The following MACF1 variants were observed in gnomAD, a reference collection of about 807,000 sequenced individuals.
The protein encoded by MACF1 is microtubule-actin cross-linking factor 1.
A neutral mutation model predicts 854.8 loss-of-function variants in MACF1; 193 were observed. The ratio of observed to expected loss-of-function variants is 0.23; its 90% CI spans 0.20 to 0.25. The LOEUF (loss-of-function observed/expected upper bound fraction) is 0.25, where lower values mean the gene tolerates loss of function less well. Among genes scored for constraint, MACF1 ranks in the 10% least tolerant of loss-of-function variants. The pLI, the probability that MACF1 is intolerant of heterozygous loss-of-function variation, is 1.00. For synonymous variants in MACF1, 3,185 were observed against 3,226.7 expected, an observed-to-expected ratio of 0.99 and a Z score of 0.44; for missense variants, 7,722 against 8,929.1, an observed-to-expected ratio of 0.86 and a Z score of 5.45.
intron 2 of MACF1, among the ~76,000 whole-genome samples, chr1:39,098,995 C>A (rs1642001703): frequency 6.6e-6 from 1 of 152,192 alleles, no homozygotes; most frequent in South Asian, 2.1e-4. Context: ...AGGTAATTTT[C>A]TTCCAAGAGC....
chr1:39,434,354 TTTC>T, intron 68 of MACF1, 57 bp from the exon 69 acceptor site: 7 of 987,524 alleles, frequency 7.1e-6, no homozygotes, highest in Non-Finnish European at 1.1e-5. Flanking sequence ...ACCTACTTTT[TTTC>T]TTAAGAGTTT....
chr1:39,452,627 G>T (rs1208841630), intron 86 of MACF1, 57 bp from the exon 87 acceptor site: 1 of 1,605,508 alleles, frequency 6.2e-7, no homozygotes, highest in Non-Finnish European at 8.5e-7. Flanking sequence ...GCATGTCCCA[G>T]TATCTAGGTC....
chr1:39,468,796 T>C (rs1235484848), intron 96 of MACF1, 64 bp downstream of exon 96: 24 of 1,406,886 alleles, frequency 1.7e-5, no homozygotes, highest in Non-Finnish European at 2.4e-5. Flanking sequence ...TCTTTTATGC[T>C]TACAGGAAGC....
chr1:39,316,654 A>G (rs1646416419), intron 28 of MACF1, 125 bp downstream of exon 28: 5 of 863,256 alleles, frequency 5.8e-6, no homozygotes, highest in Non-Finnish European at 8.6e-6. Context: ...GCAGAATGTC[A>G]TTAAATATAT....
chr1:39,231,051 G>C, intron 1 of MACF1, 131 bp from the exon 2 acceptor site: 1 of 730,684 alleles, frequency 1.4e-6, no homozygotes, highest in Admixed American at 2.0e-5. Flanking sequence ...ACCTTCCTAA[G>C]AAGAAGTCAC....
intron 2 of MACF1, among the ~76,000 whole-genome samples, chr1:39,150,891 C>A (rs1178559547): frequency 6.6e-6 from 1 of 152,126 alleles, no homozygotes; most frequent in Non-Finnish European, 1.5e-5. Flanking sequence ...AAGATACTTT[C>A]TAGGATTTTG....
intron 4 of MACF1, chr1:39,254,090 G>GC (rs1645072055): frequency 1.8e-6 from 1 of 553,942 alleles, no homozygotes; most frequent in Admixed American, 3.1e-5. Flanking sequence ...ATGCGTAGTG[G>GC]TACACAAGAC....
chr1:39,448,879 C>A, intron 84 of MACF1, 116 bp downstream of exon 84: 1 of 663,790 alleles, frequency 1.5e-6, no homozygotes, highest in African/African-American at 1.8e-5. Flanking sequence ...TTTGTACCAT[C>A]TTAACACCAC....
At chr1:39,093,545 G>T (rs1467052064) in intron 2 of MACF1, among the ~76,000 whole-genome samples, 1 of 147,972 alleles carries the variant, frequency 6.8e-6, no homozygotes, top group African/African-American at 2.5e-5. Flanking sequence ...GAGTGCAGTG[G>T]TGCGATCTCG....
At chr1:39,433,705 G>A (rs748104046) in intron 68 of MACF1, among the ~76,000 whole-genome samples, 17 of 151,916 alleles carry the variant, frequency 1.1e-4, no homozygotes, top group Non-Finnish European at 2.4e-4. Context: ...TTTTTAATCA[G>A]AAGAAAAATG....
chr1:39,277,072 AT>A (rs1015291008), intron 6 of MACF1, among the ~76,000 whole-genome samples: 5 of 151,598 alleles, frequency 3.3e-5, no homozygotes, highest in Admixed American at 2.0e-4. Flanking sequence ...TAACATTAAA[AT>A]TTTTTTTTGA....
At chr1:39,456,932 C>T (rs1452894961) in intron 89 of MACF1, 1 of 152,216 alleles carries the variant, frequency 6.6e-6, no homozygotes, top group African/African-American at 2.4e-5. Flanking sequence ...TCCCTTTTGA[C>T]TTCTGTGTCC....
Position 39,284,161 on chromosome 1 carries a change from T to G in MACF1, c.1011T>G (p.Phe337Leu). 1 of 1,613,694 alleles carries G rather than the reference T, an allele frequency of 6.2e-7. No homozygotes were observed. The highest frequency in any genetic ancestry group is 1.1e-5 in the South Asian group (1 of 90,908). The stretch of plus-strand genomic sequence containing the variant: ...CAATACTGATGTCAGATAAAACTTT[T>G]CCCCAAAACCCTGTTGAACTAAAGG... ...QHTILMSDKT[F>L]PQNPVELKAL... The change falls in exon 10 of 101, where the codon TTT (phenylalanine) becomes TTG (leucine). Residue 337 changes from phenylalanine (F) to leucine (L), a missense_variant. Around this residue, in one of 15 missense-constraint regions of MACF1, gnomAD observed 97 missense variants for 130.4 expected, o/e 0.74. Transcript: ENST00000564288.
chr1:39,166,306 GATCTGCCCACCTTGGC>G (rs1643881441), intron 2 of MACF1, among the ~76,000 whole-genome samples: 1 of 152,098 alleles, frequency 6.6e-6, no homozygotes, highest in Non-Finnish European at 1.5e-5. Context: ...GACCTCAGGT[GATCTGCCCACCTTGGC>G]ATCCCAAAGT....
rs1645669391 is a variant in MACF1, at chr1:39,287,590, G to GGA, written c.1785+28_1785+29insGA. ...GGGTGCATATCCAAAAGCTTATGCAGTACACTGATGTTTACTGGATCTGGA... is the reference window on the plus strand; with the variant it reads ...GGGTGCATATCCAAAAGCTTATGCAGGATACACTGATGTTTACTGGATCTGGA... On this transcript the variant is annotated intron_variant, in intron 15 of 100. Transcript: ENST00000564288. The GGA allele has an allele frequency of 8.7e-6, 14 of 1,610,264 alleles. No individual in the cohort carries two copies. The East Asian group carries it at 2.9e-4, about 33-fold the overall frequency.
intron 97 of MACF1, among the ~76,000 whole-genome samples, chr1:39,476,086 T>G (rs1419259566): frequency 6.6e-6 from 1 of 152,216 alleles, no homozygotes; most frequent in Non-Finnish European, 1.5e-5. Flanking sequence ...CTGTATGTAC[T>G]CATGCTCATA....
chr1:39,192,192 A>C (rs141508101), intron 2 of MACF1, among the ~76,000 whole-genome samples: 1 of 152,242 alleles, frequency 6.6e-6, no homozygotes, highest in Non-Finnish European at 1.5e-5. Context: ...GGTTACCCAG[A>C]TTTCCTTTTA....
chr1:39,088,362 T>G (rs147860177), intron 2 of MACF1, among the ~76,000 whole-genome samples: 27,180 of 152,226 alleles, frequency 0.18, 3,063 homozygotes, highest in Middle Eastern at 0.27. Context: ...ATGCTGGGAT[T>G]ACAGGCGTGA....
chr1:39,112,261 A>AT (rs1642430242), intron 2 of MACF1, among the ~76,000 whole-genome samples: 4 of 151,590 alleles, frequency 2.6e-5, no homozygotes, highest in Admixed American at 2.6e-4. Flanking sequence ...TAATTTTTGT[A>AT]TTTTTTAATA....
Sources: allele counts gnomAD v4.1 joint callset (sites outside exome capture counted in the v4.1 genomes callset), GRCh38; gene constraint gnomAD v4.1.1; regional missense constraint gnomAD v4.1.1; transcripts MANE v1.5; gene names NCBI Gene and HGNC (gene_info 2026-07-23, HGNC 2026-07-21).